CDKAL1: variants seen among roughly 807,000 people sequenced by gnomAD.
The protein encoded by CDKAL1 is threonylcarbamoyladenosine tRNA methylthiotransferase.
A neutral mutation model predicts 68.2 loss-of-function variants in CDKAL1; 32 were observed. That is an observed-to-expected ratio of 0.47 (90% CI 0.35 to 0.63). The LOEUF is 0.63. CDKAL1 is among the 30% of genes least tolerant of loss of function. CDKAL1 has a pLI of 0.00. For synonymous variants in CDKAL1, 234 were observed against 244.3 expected (o/e 0.96, Z 0.39); for missense variants, 606 against 696.7 (o/e 0.87, Z 1.47).
chr6:21,058,119 G>A (rs1318619825), intron 11 of CDKAL1, among the ~76,000 whole-genome samples: 2 of 152,148 alleles, frequency 1.3e-5, no homozygotes, highest in African/African-American at 2.4e-5. Context: ...GGGTTTTAAA[G>A]TGTCCCGCTA....
chr6:21,179,546 A>G (rs1777709123), intron 13 of CDKAL1, among the ~76,000 whole-genome samples: 1 of 152,224 alleles, frequency 6.6e-6, no homozygotes. Context: ...CTTTCTCTCA[A>G]GCTAAAGAAT....
At chr6:20,636,309 C>T (rs779316374) in intron 4 of CDKAL1, among the ~76,000 whole-genome samples, 47 of 152,270 alleles carry the variant, frequency 3.1e-4, no homozygotes, top group Non-Finnish European at 6.2e-4. Flanking sequence ...TTCCCATTCC[C>T]TGTTTGGAGT....
chr6:21,198,797 G>A (rs1043221509), intron 14 of CDKAL1, among the ~76,000 whole-genome samples: 3 of 152,200 alleles, frequency 2.0e-5, no homozygotes, highest in African/African-American at 4.8e-5. Context: ...TGCCCACCGA[G>A]GAGCCTGACT....
At chr6:21,061,900 A>G (rs1321405856) in intron 11 of CDKAL1, among the ~76,000 whole-genome samples, 1 of 152,198 alleles carries the variant, frequency 6.6e-6, no homozygotes, top group Non-Finnish European at 1.5e-5. Flanking sequence ...TTTACTTTTC[A>G]ATATTGACTA....
intron 5 of CDKAL1, among the ~76,000 whole-genome samples, chr6:20,704,353 C>T (rs189221274): frequency 6.6e-6 from 1 of 152,048 alleles, no homozygotes; most frequent in Admixed American, 6.5e-5. Context: ...TTTTTTGTAG[C>T]GTAGTCAAGG....
At chr6:20,702,423 T>G (rs1771407746) in intron 5 of CDKAL1, among the ~76,000 whole-genome samples, 1 of 152,208 alleles carries the variant, frequency 6.6e-6, no homozygotes, top group Non-Finnish European at 1.5e-5. Context: ...CTTGCCTTGG[T>G]GTACCGGAAG....
chr6:20,673,882 G>C (rs1024548274), intron 5 of CDKAL1, among the ~76,000 whole-genome samples: 2 of 152,174 alleles, frequency 1.3e-5, no homozygotes, highest in African/African-American at 4.8e-5. Flanking sequence ...CCAGTCTTGG[G>C]TATGTCTTTA....
At chr6:20,894,217 A>T (rs1761556672) in intron 9 of CDKAL1, among the ~76,000 whole-genome samples, 1 of 152,102 alleles carries the variant, frequency 6.6e-6, no homozygotes. Context: ...TAATTCTTTA[A>T]AAAATTACCT....
intron 15 of CDKAL1, among the ~76,000 whole-genome samples, chr6:21,222,015 G>C (rs1438296084): frequency 1.3e-5 from 2 of 152,214 alleles, no homozygotes; most frequent in Non-Finnish European, 2.9e-5. Flanking sequence ...GGGCACATCA[G>C]ATCTGTTCCT....
At chr6:20,982,045 A>G (rs896870419) in intron 10 of CDKAL1, among the ~76,000 whole-genome samples, 7 of 134,172 alleles carry the variant, frequency 5.2e-5, no homozygotes, top group Non-Finnish European at 1.1e-4. Flanking sequence ...ATAGAAGGAA[A>G]TTCTTATTTA....
At chr6:20,547,499 C>A (rs1763653449) in intron 3 of CDKAL1, among the ~76,000 whole-genome samples, 1 of 152,064 alleles carries the variant, frequency 6.6e-6, no homozygotes, top group Non-Finnish European at 1.5e-5. Context: ...TATAGTAGAT[C>A]TCTAGTCCGT....
In CDKAL1 at chr6:20,936,312, G is replaced by A. The variant is rs1322089332; in HGVS notation, c.743-19107G>A. ...GTCGCCCAGGCTGGAGTGCAGTGGC[G>A]GGATCTCGGCTCACTGCAAGCTCCG... On this transcript the variant is annotated intron_variant, in intron 9 of 15. Transcript: ENST00000274695. Among the ~76,000 whole-genome samples the A allele has an allele frequency of 1.3e-4, 18 of 143,076 alleles. No homozygotes were observed. In the South Asian group the frequency reaches 3.6e-3, roughly 29 times the overall value. 93.9% of individuals were successfully genotyped at this position (143,076 alleles called of 152,430 possible). A position where few individuals can be genotyped will look rare whatever the true frequency, so the allele number is the denominator to read the frequency against.
chr6:20,814,473 T>A (rs867816375), intron 8 of CDKAL1, among the ~76,000 whole-genome samples: 1 of 152,116 alleles, frequency 6.6e-6, no homozygotes, highest in Non-Finnish European at 1.5e-5. Flanking sequence ...AGAGATGGAG[T>A]TTCACCATGT....
intron 7 of CDKAL1, among the ~76,000 whole-genome samples, chr6:20,764,268 A>G (rs969875171): frequency 1.3e-5 from 2 of 152,218 alleles, no homozygotes; most frequent in Non-Finnish European, 2.9e-5. Flanking sequence ...TTTTACCATT[A>G]CGTCATGTTT....
At chr6:20,848,817 G>A (rs1235219565) in intron 9 of CDKAL1, among the ~76,000 whole-genome samples, 1 of 150,180 alleles carries the variant, frequency 6.7e-6, no homozygotes, top group East Asian at 1.9e-4. Flanking sequence ...TGGTGACAGG[G>A]TCTCACACTG....
intron 4 of CDKAL1, among the ~76,000 whole-genome samples, chr6:20,623,155 AT>A (rs929067913): frequency 5.3e-5 from 8 of 152,154 alleles, no homozygotes; most frequent in African/African-American, 1.7e-4. Context: ...CTTCAAACAG[AT>A]TGTTTTGGTC....
chr6:20,757,263 A>G (rs923408723), intron 6 of CDKAL1, among the ~76,000 whole-genome samples: 2 of 152,196 alleles, frequency 1.3e-5, no homozygotes, highest in East Asian at 3.9e-4. Flanking sequence ...AAAGTTTTTT[A>G]AACAGGTTCC....
intron 5 of CDKAL1, among the ~76,000 whole-genome samples, chr6:20,701,480 C>T (rs187231398): frequency 2.2e-4 from 33 of 152,238 alleles, no homozygotes; most frequent in Non-Finnish European, 3.1e-4. Flanking sequence ...TATTACCTTC[C>T]TGTAGATACA....
chr6:20,832,801 TTAATGA>T (rs1322203488), intron 8 of CDKAL1, among the ~76,000 whole-genome samples: 8 of 152,218 alleles, frequency 5.3e-5, no homozygotes, highest in African/African-American at 1.9e-4. Flanking sequence ...CATAAATAAC[TTAATGA>T]TAATGACATA....
Sources: gnomAD v4.1 joint callset for allele counts (sites outside exome capture counted in the v4.1 genomes callset) on GRCh38, gnomAD v4.1.1 for gene constraint, MANE v1.5 for transcripts, NCBI Gene and HGNC (gene_info 2026-07-23, HGNC 2026-07-21) for gene names.